Variants in CCSER1 observed in about 807,000 individuals in gnomAD.
CCSER1 encodes the protein coiled-coil serine rich protein 1.
In CCSER1, 41 loss-of-function variants were observed where a neutral mutation model predicts 82.0. That is an observed-to-expected ratio of 0.50 (90% confidence interval 0.39 to 0.65). The LOEUF (loss-of-function observed/expected upper bound fraction) is 0.65. Among genes scored for constraint, CCSER1 ranks in the 30% least tolerant of loss-of-function variants. The pLI is 0.00. For missense variants in CCSER1, 1,119 were observed against 1,064.2 expected (o/e 1.05, Z -0.72); for synonymous variants, 414 against 383.9 (o/e 1.08, Z -0.92).
At chr4:90,953,751 T>C (rs1733154737) in intron 9 of CCSER1, among the ~76,000 whole-genome samples, 1 of 151,948 alleles carries the variant, frequency 6.6e-6, no homozygotes, top group Non-Finnish European at 1.5e-5. Flanking sequence ...TGACTCACAT[T>C]TTTTGATAAT....
chr4:90,790,627 T>C (rs1580480007), intron 7 of CCSER1, among the ~76,000 whole-genome samples: 1 of 152,180 alleles, frequency 6.6e-6, no homozygotes, highest in Non-Finnish European at 1.5e-5. Flanking sequence ...GTGAGGCAAA[T>C]TACTACAAAC....
intron 10 of CCSER1, among the ~76,000 whole-genome samples, chr4:91,152,915 C>A (rs1730392619): frequency 1.3e-5 from 2 of 151,888 alleles, no homozygotes; most frequent in Admixed American, 1.3e-4. Context: ...TTTGGGTAAC[C>A]CATCCTTTCT....
chr4:90,649,018 G>C (rs1433876005), intron 6 of CCSER1, among the ~76,000 whole-genome samples: 2 of 152,184 alleles, frequency 1.3e-5, no homozygotes, highest in African/African-American at 4.8e-5. Flanking sequence ...AGGCTTGACA[G>C]CTTTGCACTG....
chr4:91,476,834 G>T (rs573969009), intron 10 of CCSER1, among the ~76,000 whole-genome samples: 17 of 151,666 alleles, frequency 1.1e-4, no homozygotes, highest in Non-Finnish European at 2.1e-4. Context: ...CTCTTCAATA[G>T]ATCATGCTGG....
intron 1 of CCSER1, among the ~76,000 whole-genome samples, chr4:90,277,678 A>G (rs898442404): frequency 3.9e-5 from 6 of 152,052 alleles, no homozygotes; most frequent in Non-Finnish European, 1.5e-5. Context: ...GAAAGTTAAC[A>G]CAAGATGGAT....
At chr4:90,281,085 G>A (rs1728760443) in intron 1 of CCSER1, among the ~76,000 whole-genome samples, 1 of 152,018 alleles carries the variant, frequency 6.6e-6, no homozygotes, top group South Asian at 2.1e-4. Context: ...TAGCCTTGTT[G>A]TAGTGTGGAT....
rs571633404 is a variant in CCSER1 at position 90,206,822 on chromosome 4, T to C, written c.-42+78991T>C. Among the ~76,000 whole-genome samples the C allele has an allele frequency of 2.0e-5, 3 of 150,378 alleles. No homozygotes were observed. In the East Asian group the frequency reaches 5.9e-4, roughly 30 times the overall value. On this transcript the variant is annotated intron_variant, in intron 1 of 10. Coordinates refer to ENST00000509176, the MANE Select transcript of CCSER1 (RefSeq NM_001145065.2). ...ATTACTTTGTGGGAGTCTGAGTCTCTTTGTAGGTCTCTAAGAACTTGCTTT... is the reference window on the plus strand; with the variant it reads ...ATTACTTTGTGGGAGTCTGAGTCTCCTTGTAGGTCTCTAAGAACTTGCTTT...
chr4:91,410,581 A>G (rs143794431), intron 10 of CCSER1, among the ~76,000 whole-genome samples: 23 of 152,318 alleles, frequency 1.5e-4, no homozygotes, highest in African/African-American at 5.5e-4. Flanking sequence ...CAGCCAACCA[A>G]TGATAATCAC....
chr4:91,162,659 G>GA (rs1389269860), intron 10 of CCSER1, among the ~76,000 whole-genome samples: 2 of 152,148 alleles, frequency 1.3e-5, no homozygotes, highest in African/African-American at 4.8e-5. Context: ...TTAGTCTTGG[G>GA]AGGGTGTATG....
intron 10 of CCSER1, among the ~76,000 whole-genome samples, chr4:91,166,226 A>G (rs886976911): frequency 6.6e-6 from 1 of 152,242 alleles, no homozygotes; most frequent in African/African-American, 2.4e-5. Flanking sequence ...ATTGGTTGAC[A>G]CAAGAATTAC....
At chr4:90,902,758 C>A (rs1167863030) in intron 8 of CCSER1, among the ~76,000 whole-genome samples, 3 of 151,970 alleles carry the variant, frequency 2.0e-5, no homozygotes, top group Non-Finnish European at 4.4e-5. Context: ...GGATCCAGTC[C>A]AGTAGATGGT....
At chr4:90,819,691 C>A (rs1341694311) in intron 8 of CCSER1, among the ~76,000 whole-genome samples, 1 of 152,106 alleles carries the variant, frequency 6.6e-6, no homozygotes, top group Non-Finnish European at 1.5e-5. Context: ...AGCCACACTT[C>A]CAATTTATTC....
intron 6 of CCSER1, among the ~76,000 whole-genome samples, chr4:90,717,517 C>A (rs1304243158): frequency 6.6e-6 from 1 of 152,006 alleles, no homozygotes; most frequent in Non-Finnish European, 1.5e-5. Flanking sequence ...ACTGCTAAAA[C>A]AACAAACACT....
intron 9 of CCSER1, among the ~76,000 whole-genome samples, chr4:91,008,856 C>T (rs185784218): frequency 6.0e-4 from 91 of 152,248 alleles, no homozygotes; most frequent in Non-Finnish European, 1.1e-3. Context: ...GGGTTCTTGG[C>T]CTCATGGATT....
At chr4:90,998,067 A>T (rs977447437) in intron 9 of CCSER1, among the ~76,000 whole-genome samples, 1 of 151,780 alleles carries the variant, frequency 6.6e-6, no homozygotes, top group African/African-American at 2.4e-5. Flanking sequence ...CTTCTTTTTT[A>T]TTTTATTTTA....
At chr4:90,951,488 G>A (rs917938996) in intron 9 of CCSER1, among the ~76,000 whole-genome samples, 5 of 151,932 alleles carry the variant, frequency 3.3e-5, no homozygotes, top group African/African-American at 1.2e-4. Context: ...CTCATGAGGC[G>A]GAAAGAATAC....
At chr4:91,390,052 GTA>G (rs1751552610) in intron 10 of CCSER1, among the ~76,000 whole-genome samples, 1 of 151,760 alleles carries the variant, frequency 6.6e-6, no homozygotes, top group Admixed American at 6.6e-5. Flanking sequence ...CCTAACCTAC[GTA>G]TGTTTTATTT....
intron 10 of CCSER1, among the ~76,000 whole-genome samples, chr4:91,587,136 T>C (rs1052840001): frequency 6.6e-6 from 1 of 151,856 alleles, no homozygotes; most frequent in South Asian, 2.1e-4. Context: ...TAACACACAA[T>C]CTATAGAGTT....
chr4:91,431,197 A>G (rs773455153), intron 10 of CCSER1, among the ~76,000 whole-genome samples: 3 of 152,114 alleles, frequency 2.0e-5, no homozygotes, highest in South Asian at 2.1e-4. Context: ...GATGGCGCCA[A>G]TGCACTCCAG....
Sources: allele counts gnomAD v4.1 joint callset (sites outside exome capture counted in the v4.1 genomes callset), GRCh38; gene constraint gnomAD v4.1.1; transcripts MANE v1.5; gene names NCBI Gene and HGNC (gene_info 2026-07-23, HGNC 2026-07-21).